The following SAFB2 variants were observed in gnomAD, a reference collection of about 807,000 sequenced individuals.
The protein encoded by SAFB2 is scaffold attachment factor B2.
Under a neutral mutation model 100.6 loss-of-function variants are expected in SAFB2, and 32 were observed. That is an observed-to-expected ratio of 0.32 (90% CI 0.24 to 0.43). SAFB2 has a LOEUF of 0.43. Ranked by LOEUF, SAFB2 falls within the 20% of genes least tolerant of loss-of-function variation. The probability of loss-of-function intolerance (pLI) is 1.00; values close to 1 mark genes in which losing one functional copy is unlikely to be tolerated. For missense variants in SAFB2, 1,185 were observed against 1,163.4 expected (o/e 1.02, Z -0.27); for synonymous variants, 500 against 439.4 (o/e 1.14, Z -1.72).
rs1568234564 is a variant in SAFB2, at chr19:5,621,258, T to C, written c.274+51A>G. Reference sequence around the variant, plus strand: ...GGCGGGAAGAGCACACTACACACCATTTCTCTAAATTCTCTGAACACTCAA... The same window carrying C: ...GGCGGGAAGAGCACACTACACACCACTTCTCTAAATTCTCTGAACACTCAA... On this transcript the variant is annotated intron_variant, in intron 2 of 20. Coordinates refer to ENST00000252542, the MANE Select transcript of SAFB2 (RefSeq NM_014649.3). 1.5e-5 allele frequency: 18 copies of C among 1,220,786 alleles called. No individual in the cohort carries two copies. The East Asian group carries it at 3.7e-4, about 25-fold the overall frequency. 75.6% of individuals were successfully genotyped at this position (1,220,786 alleles called of 1,614,324 possible). A position where few individuals can be genotyped will look rare whatever the true frequency, so the allele number is the denominator to read the frequency against.
Position 5,587,343 on chromosome 19 carries a change from C to A in SAFB2, c.2762G>T (p.Gly921Val). The A allele has an allele frequency of 6.2e-7, 1 of 1,613,222 alleles. No individual in the cohort carries two copies. Among genetic ancestry groups the A allele is most frequent in the Non-Finnish European group, 8.5e-7 (1 of 1,179,720 alleles). Residue 921 changes from glycine to valine, a missense_variant, in exon 21 of 21, where the codon GGA becomes GTA. Around this residue, in one of 3 missense-constraint regions of SAFB2, gnomAD observed 740 missense variants for 687.1 expected, o/e 1.08. Coordinates refer to ENST00000252542, the MANE Select transcript of SAFB2 (RefSeq NM_014649.3). The surrounding 1 kb of genome is among the most constrained non-coding windows in gnomAD (Gnocchi z 4.9). ...GCTGGCCACTCCGCCACCTTCCAGT[C>A]CGCCACCTGGCACCACGTGGCCCTG... ...HSQGHVVPGG[G>V]LEGGGVASQD... is the part of the protein sequence containing the mutation.
chr19:5,601,130 C>T (rs993120299), intron 11 of SAFB2, among the ~76,000 whole-genome samples: 2 of 152,210 alleles, frequency 1.3e-5, no homozygotes, highest in Non-Finnish European at 2.9e-5. Context: ...TCAACCTCCA[C>T]ATCATGGAGT....
intron 17 of SAFB2, 88 bp from the exon 18 acceptor site, chr19:5,590,496 G>A (rs991675713): frequency 7.0e-7 from 1 of 1,421,092 alleles, no homozygotes; most frequent in African/African-American, 1.4e-5. Context: ...GCAGGCCCCA[G>A]GGTGGCAGGT....
At chr19:5,591,075 C>A (rs2052389058) in intron 17 of SAFB2, among the ~76,000 whole-genome samples, 1 of 152,088 alleles carries the variant, frequency 6.6e-6, no homozygotes, top group Admixed American at 6.5e-5. Context: ...ATCCCCCCGA[C>A]CCTGGCACAT....
rs200963894 is a variant in SAFB2 at position 5,604,629 on chromosome 19, A to C, written c.1513T>G (p.Leu505Val). The C allele has an allele frequency of 1.4e-5, 22 of 1,614,058 alleles. No individual in the cohort carries two copies. The East Asian group carries it at 4.9e-4, about 36-fold the overall frequency. ...GAATGATGTCTGTCGACACTCGATA[A>C]TTTTTCCTTCTTCACTTCGCACTCT... ...RKECEVKKEK[L>V]SSVDRHHSVE... The change falls in exon 11 of 21, where the codon TTA becomes GTA. Residue 505 changes from leucine (L) to valine (V), a missense_variant. Leu to Val is a conservative substitution (Grantham distance 32, BLOSUM62 1). Transcript: ENST00000252542.
Position 5,600,211 on chromosome 19 carries a change from G to C in SAFB2, c.1609C>G (p.Pro537Ala), listed in dbSNP as rs1390801255. ...EKIEKKEEKK[P>A]EDIKKEEKDQ... ...TTTTCTTCCTTCTTAATGTCTTCAGGCTTTTTTTCCTCCTTCTTCTCAATC... is the reference window on the plus strand; with the variant it reads ...TTTTCTTCCTTCTTAATGTCTTCAGCCTTTTTTTCCTCCTTCTTCTCAATC... Residue 537 changes from proline (P) to alanine (A), a missense_variant, in exon 12 of 21, where the codon CCT becomes GCT. Pro to Ala is a conservative substitution (Grantham distance 27). This residue lies in a region of SAFB2 where 740 missense variants were observed against 687.1 expected (regional missense o/e 1.08). Transcript: ENST00000252542. 1 of 1,613,468 alleles carries C rather than the reference G, an allele frequency of 6.2e-7. No individual in the cohort carries two copies. The highest frequency in any genetic ancestry group is 2.2e-5 in the East Asian group (1 of 44,848).
chr19:5,587,304 C>T lies in SAFB2; in HGVS notation c.2801G>A (p.Ser934Asn), dbSNP rs201058797. Residue 934 changes from serine (S) to asparagine (N), a missense_variant, in exon 21 of 21, where the codon AGC (serine) becomes AAC (asparagine). Physicochemically the swap from Ser to Asn is conservative, Grantham distance 46. This residue lies in a region of SAFB2 where 740 missense variants were observed against 687.1 expected (regional missense o/e 1.08). Coordinates refer to ENST00000252542, the MANE Select transcript of SAFB2 (RefSeq NM_014649.3). This position sits in a 1 kb window ranked among gnomAD's most constrained non-coding sequence, Gnocchi z 4.9. ...ATGAGGGTGTGGGTGAGGGACTCTG[C>T]TGCCCCGGTCCTGGCTGGCCACTCC... ...GGGVASQDRG[S>N]RVPHPHPHPP... 5 of 1,612,426 alleles carry T rather than the reference C, an allele frequency of 3.1e-6. No individual in the cohort carries two copies. The East Asian group carries it at 6.7e-5, about 22-fold the overall frequency.
rs781714580 is a variant in SAFB2 at position 5,616,173 on chromosome 19, C to T, written c.502G>A (p.Ala168Thr). The T allele has an allele frequency of 6.2e-7, 1 of 1,614,258 alleles. No homozygotes were observed. Among genetic ancestry groups the T allele is most frequent in the Non-Finnish European group, 8.5e-7 (1 of 1,180,048 alleles). The change falls in exon 4 of 21, where the codon GCA becomes ACA. Residue 168 changes from alanine to threonine, a missense_variant. This residue lies in a region of SAFB2 where 351 missense variants were observed against 341.2 expected (regional missense o/e 1.03). Transcript: ENST00000252542. ...TGAGCCGGGAGCTGTCTCAGCTGTGCAGCCACGTATTCTTTACTATCACAA... is the reference window on the plus strand; with the variant it reads ...TGAGCCGGGAGCTGTCTCAGCTGTGTAGCCACGTATTCTTTACTATCACAA... ...SFCDSKEYVA[A>T]QLRQLPAQPP...
At position 5,611,563 on chromosome 19, in the gene SAFB2, G is replaced by A; in HGVS notation, c.702C>T (p.Ser234=). The A allele has an allele frequency of 4.1e-6, 2 of 489,900 alleles. No individual in the cohort carries two copies. The highest frequency in any genetic ancestry group is 3.3e-5 in the East Asian group (1 of 30,678). 30.3% of individuals were successfully genotyped at this position (489,900 alleles called of 1,614,324 possible). ...CCTGTGCAAATGGCTGCTCCAGCTC[G>A]GAACTTTCTTCTTTTACTGGCTCAG... The part of the protein sequence containing the change: ...CKSEPVKEES[S]ELEQPFAQDT... Residue 234 remains serine (S), a synonymous_variant, in exon 7 of 21, where the codon TCC becomes TCT. Coordinates refer to ENST00000252542, the MANE Select transcript of SAFB2 (RefSeq NM_014649.3).
At chr19:5,593,728 A>G in intron 15 of SAFB2, 163 bp downstream of exon 15, 1 of 693,120 alleles carries the variant, frequency 1.4e-6, no homozygotes, top group Non-Finnish European at 2.2e-6. Context: ...ATAAACCTGC[A>G]GCAGCGCAGT....
At chr19:5,612,460 A>G in intron 6 of SAFB2, 80 bp downstream of exon 6, 1 of 1,306,956 alleles carries the variant, frequency 7.7e-7, no homozygotes, top group Non-Finnish European at 1.1e-6. Context: ...AGATCATAAC[A>G]CAGCTTAAAA....
intron 2 of SAFB2, among the ~76,000 whole-genome samples, chr19:5,620,019 T>C (rs2053108561): frequency 6.6e-6 from 1 of 152,160 alleles, no homozygotes; most frequent in South Asian, 2.1e-4. Flanking sequence ...ATGCATAAGT[T>C]AACACCTAAA....
intron 13 of SAFB2, among the ~76,000 whole-genome samples, chr19:5,595,776 C>T (rs2052524420): frequency 6.6e-6 from 1 of 152,258 alleles, no homozygotes; most frequent in Non-Finnish European, 1.5e-5. Flanking sequence ...GTTCTTCTAG[C>T]ATAGCACAGC....
intron 5 of SAFB2, 65 bp from the exon 6 acceptor site, chr19:5,612,632 G>T: frequency 1.6e-6 from 2 of 1,267,280 alleles, no homozygotes; most frequent in Non-Finnish European, 2.3e-6. Flanking sequence ...CATTTCACCA[G>T]TAAATATGGC....
At position 5,587,138 on chromosome 19, in the gene SAFB2, G is replaced by T; in HGVS notation, c.*105C>A. Reference sequence around the variant, plus strand: ...CATTGTATTGAGCTACAACATGGTGGCAGGATTTACTTTGCTTTTAAAAAG... The same window carrying T: ...CATTGTATTGAGCTACAACATGGTGTCAGGATTTACTTTGCTTTTAAAAAG... On this transcript the variant is annotated 3_prime_UTR_variant, in exon 21 of 21. Transcript: ENST00000252542. The surrounding 1 kb of genome is among the most constrained non-coding windows in gnomAD (Gnocchi z 4.9). 6.8e-7 allele frequency: 1 copy of T among 1,460,012 alleles called. No homozygotes were observed. The highest frequency in any genetic ancestry group is 9.3e-7 in the Non-Finnish European group (1 of 1,069,644). 90.4% of individuals were successfully genotyped at this position (1,460,012 alleles called of 1,614,324 possible).
chr19:5,604,498 C>T (rs1568218955), intron 11 of SAFB2, 85 bp downstream of exon 11: 3 of 947,126 alleles, frequency 3.2e-6, no homozygotes, highest in Non-Finnish European at 5.0e-6. Flanking sequence ...CAGGTGGGGA[C>T]AGATGCGTGT....
At chr19:5,611,902 T>G in intron 6 of SAFB2, 1 of 570,242 alleles carries the variant, frequency 1.8e-6, no homozygotes, top group Non-Finnish European at 3.2e-6. Context: ...ATAGTCTTCT[T>G]CGAGTTTTTG....
chr19:5,600,356 C>T lies in SAFB2; in HGVS notation c.1560-96G>A, dbSNP rs912633183. On this transcript the variant is annotated intron_variant, in intron 11 of 20. Coordinates refer to ENST00000252542, the MANE Select transcript of SAFB2 (RefSeq NM_014649.3). ...CGACTCACACATACTCAGACGTCCA[C>T]ACAAAACAAATCACCCCGGCAGCAA... is the stretch of plus-strand genomic sequence containing the variant. 8 of 1,515,784 alleles carry T rather than the reference C, an allele frequency of 5.3e-6. No homozygotes were observed. In the African/African-American group the frequency reaches 8.4e-5, roughly 16 times the overall value. The allele number at this position is 1,515,784 out of a possible 1,614,324, so 93.9% of individuals were successfully genotyped here. A position where few individuals can be genotyped will look rare whatever the true frequency, so the allele number is the denominator to read the frequency against.
intron 4 of SAFB2, 139 bp from the exon 5 acceptor site, chr19:5,613,666 G>T (rs2052959247): frequency 1.5e-5 from 22 of 1,464,746 alleles, no homozygotes; most frequent in Non-Finnish European, 1.9e-5. Flanking sequence ...GGGTCATTCA[G>T]TTCAGCACCT....
Sources: gnomAD v4.1 joint callset for allele counts (sites outside exome capture counted in the v4.1 genomes callset) on GRCh38, gnomAD v4.1.1 for gene constraint, gnomAD v4.1.1 regional missense constraint, Gnocchi (gnomAD v3.1) non-coding constraint, MANE v1.5 for transcripts, NCBI Gene and HGNC (gene_info 2026-07-23, HGNC 2026-07-21) for gene names.